The following FAM114A1 variants were observed in gnomAD, a reference collection of about 807,000 sequenced individuals.
FAM114A1 encodes the protein protein NOXP20.
A neutral mutation model predicts 64.3 loss-of-function variants in FAM114A1; 62 were observed. That is an observed-to-expected ratio of 0.96 (90% CI 0.79 to 1.19). The LOEUF is 1.19. Among genes scored for constraint, FAM114A1 ranks in the 50% most tolerant of loss-of-function variants. The pLI, the probability that FAM114A1 is intolerant of heterozygous loss-of-function variation, is 0.00. For missense variants in FAM114A1, 645 were observed against 676.3 expected (o/e 0.95, Z 0.51); for synonymous variants, 254 against 251.1 (o/e 1.01, Z -0.11).
intron 10 of FAM114A1, among the ~76,000 whole-genome samples, chr4:38,930,551 T>C (rs1720545921): frequency 1.3e-5 from 2 of 152,156 alleles, no homozygotes; most frequent in African/African-American, 4.8e-5. Flanking sequence ...AATCTTTGTC[T>C]GTAATAGAGG....
chr4:38,890,782 T>C (rs1337004540), intron 3 of FAM114A1, among the ~76,000 whole-genome samples: 1 of 152,178 alleles, frequency 6.6e-6, no homozygotes, highest in African/African-American at 2.4e-5. Flanking sequence ...TAAGCATTCA[T>C]TATATTCCAA....
chr4:38,940,698 G>A (rs1721516817), intron 13 of FAM114A1, among the ~76,000 whole-genome samples: 1 of 152,122 alleles, frequency 6.6e-6, no homozygotes, highest in Non-Finnish European at 1.5e-5. Flanking sequence ...GTGACCTTAA[G>A]CAAGTTACTC....
At chr4:38,893,439 G>T (rs1716588584) in intron 4 of FAM114A1, among the ~76,000 whole-genome samples, 1 of 152,146 alleles carries the variant, frequency 6.6e-6, no homozygotes, top group Admixed American at 6.5e-5. Flanking sequence ...ATGAATTGGT[G>T]GTTCGAGGGT....
At position 38,898,941 on chromosome 4, in the gene FAM114A1, T is replaced by C. The variant is rs564883360; in HGVS notation, c.437-6581T>C. On this transcript the variant is annotated intron_variant, in intron 4 of 14. Transcript: ENST00000358869. ...ATATATGTTATATATATGTTATATATTTATATGTTATATATTATATATGTA... is the reference window on the plus strand; with the variant it reads ...ATATATGTTATATATATGTTATATACTTATATGTTATATATTATATATGTA... 4.7e-5 allele frequency among the ~76,000 whole-genome samples: 7 copies of C among 147,726 alleles called. No individual in the cohort carries two copies. In the South Asian group the frequency reaches 1.5e-3, roughly 31 times the overall value.
At chr4:38,877,978 A>AAG in intron 2 of FAM114A1, 93 bp from the exon 3 acceptor site, 1 of 1,114,636 alleles carries the variant, frequency 9.0e-7, no homozygotes, top group Non-Finnish European at 1.2e-6. Flanking sequence ...AAAAAAAAAA[A>AAG]AGTTTTCCCC....
At chr4:38,922,134 G>A (rs1007421538) in intron 8 of FAM114A1, among the ~76,000 whole-genome samples, 1 of 152,120 alleles carries the variant, frequency 6.6e-6, no homozygotes, top group Non-Finnish European at 1.5e-5. Context: ...TAGAGACGGG[G>A]TTTCACCCTG....
intron 3 of FAM114A1, among the ~76,000 whole-genome samples, chr4:38,888,168 A>G (rs544676823): frequency 1.3e-5 from 2 of 151,978 alleles, no homozygotes; most frequent in Admixed American, 1.3e-4. Context: ...TGCATTTTCT[A>G]TTTAATGATA....
At chr4:38,911,844 C>CTTTTTTTT (rs771972308) in intron 7 of FAM114A1, among the ~76,000 whole-genome samples, 3 of 115,194 alleles carry the variant, frequency 2.6e-5, no homozygotes, top group African/African-American at 3.3e-5. Flanking sequence ...TTTTTTTTTT[C>CTTTTTTTT]TTTTTTTTTC....
chr4:38,881,023 A>G (rs892304527), intron 3 of FAM114A1, among the ~76,000 whole-genome samples: 1 of 152,086 alleles, frequency 6.6e-6, no homozygotes, highest in South Asian at 2.1e-4. Context: ...CGTCTCTACT[A>G]AAAACACAAA....
chr4:38,914,870 A>C (rs769458516), intron 7 of FAM114A1, 51 bp from the exon 8 acceptor site: 1 of 1,584,172 alleles, frequency 6.3e-7, no homozygotes, highest in South Asian at 1.1e-5. Flanking sequence ...TACACAGGAA[A>C]CGGTGCTTTT....
rs180884901 is a variant in FAM114A1, at chr4:38,900,498, T to C, written c.437-5024T>C. ...AGCTAAAACACAGAAGCAACCACAG[T>C]GTCTGTCGACAGACGAATGGAAAAG... is the stretch of plus-strand genomic sequence containing the variant. On this transcript the variant is annotated intron_variant, in intron 4 of 14. Coordinates refer to ENST00000358869, the MANE Select transcript of FAM114A1 (RefSeq NM_138389.4). 7.2e-5 allele frequency among the ~76,000 whole-genome samples: 11 copies of C among 152,298 alleles called. No homozygotes were observed. In the East Asian group the frequency reaches 2.1e-3, roughly 29 times the overall value.
chr4:38,892,318 G>A (rs1229325746), intron 4 of FAM114A1, among the ~76,000 whole-genome samples: 1 of 152,134 alleles, frequency 6.6e-6, no homozygotes, highest in African/African-American at 2.4e-5. Flanking sequence ...CTGGTAGGGA[G>A]GATACATATT....
intron 4 of FAM114A1, among the ~76,000 whole-genome samples, chr4:38,899,240 C>A (rs1025376303): frequency 2.6e-5 from 4 of 152,114 alleles, no homozygotes; most frequent in Non-Finnish European, 1.5e-5. Context: ...AAGGGAGAAG[C>A]TGAACTGCAG....
chr4:38,915,525 T>C (rs1718959984), intron 8 of FAM114A1, among the ~76,000 whole-genome samples: 1 of 152,208 alleles, frequency 6.6e-6, no homozygotes, highest in Admixed American at 6.5e-5. Flanking sequence ...AGTTATTTAT[T>C]CAGCCATCTT....
At position 38,944,724 on chromosome 4, in the gene FAM114A1, C is replaced by G. The variant is rs1311354317; in HGVS notation, c.*1167C>G. On this transcript the variant is annotated 3_prime_UTR_variant, in exon 15 of 15. Transcript: ENST00000358869. ...GTTGTGAACTGCACATGCGAGGGAT[C>G]TAGGTTGTGCACTCCTTATGAGAAT... 6.6e-6 allele frequency: 1 copy of G among 152,130 alleles called. No individual in the cohort carries two copies. The highest frequency in any genetic ancestry group is 2.4e-5 in the African/African-American group (1 of 41,400). The allele number at this position is 152,130 out of a possible 1,614,324, so 9.4% of individuals were successfully genotyped here.
At chr4:38,935,980 C>G (rs1226805310) in intron 13 of FAM114A1, among the ~76,000 whole-genome samples, 190 bp downstream of exon 13, 1 of 152,180 alleles carries the variant, frequency 6.6e-6, no homozygotes, top group Non-Finnish European at 1.5e-5. Context: ...GGGTTCTAGC[C>G]TTGAATCTGC....
intron 12 of FAM114A1, among the ~76,000 whole-genome samples, chr4:38,933,103 C>T (rs977172980): frequency 2.0e-5 from 3 of 152,112 alleles, no homozygotes; most frequent in Non-Finnish European, 2.9e-5. Flanking sequence ...CTGCCTGCCT[C>T]GGCCTCCCAA....
chr4:38,922,389 T>C (rs770431536), intron 8 of FAM114A1, among the ~76,000 whole-genome samples: 1 of 152,222 alleles, frequency 6.6e-6, no homozygotes, highest in Non-Finnish European at 1.5e-5. Context: ...TTAAATAAGT[T>C]ACCGAAGGTC....
intron 9 of FAM114A1, among the ~76,000 whole-genome samples, chr4:38,928,149 A>T (rs1720313722): frequency 6.9e-6 from 1 of 144,976 alleles, no homozygotes; most frequent in Non-Finnish European, 1.5e-5. Context: ...AGAAAATAGC[A>T]TCTCCAGACA....
Sources: gnomAD v4.1 joint callset for allele counts (sites outside exome capture counted in the v4.1 genomes callset) on GRCh38, gnomAD v4.1.1 for gene constraint, MANE v1.5 for transcripts, NCBI Gene and HGNC (gene_info 2026-07-23, HGNC 2026-07-21) for gene names.